The following LOXHD1 variants were observed in gnomAD, a reference collection of about 807,000 sequenced individuals.
The protein encoded by LOXHD1 is lipoxygenase homology PLAT domains 1.
A neutral mutation model predicts 248.2 loss-of-function variants in LOXHD1; 205 were observed. The observed-to-expected ratio is 0.83, with a 90% CI of 0.74 to 0.93. LOXHD1 has a LOEUF of 0.93. Ranked by LOEUF, LOXHD1 falls within the 40% of genes least tolerant of loss-of-function variation. LOXHD1 has a pLI of 0.00. For missense variants in LOXHD1, 2,930 were observed against 2,971.6 expected (o/e 0.99, Z 0.33); for synonymous variants, 1,113 against 1,162.8 (o/e 0.96, Z 0.87).
At chr18:46,508,589 G>C (rs770895737) in intron 35 of LOXHD1, among the ~76,000 whole-genome samples, 2 of 152,222 alleles carry the variant, frequency 1.3e-5, no homozygotes, top group African/African-American at 4.8e-5. Flanking sequence ...AATGTGTGTT[G>C]TTCTAAGCCT....
chr18:46,557,415 G>A lies in LOXHD1; in HGVS notation c.3291C>T (p.Gly1097=). The change falls in exon 21 of 41, where the codon GGC becomes GGT. Residue 1097 remains glycine (G), a synonymous_variant. Transcript: ENST00000642948. The part of the protein sequence containing the change: ...TKIRIRHDNT[G]NRAGWFLDRI... The stretch of plus-strand genomic sequence containing the variant: ...TGTCCAGGAACCAGCCTGCTCTGTT[G>A]CCTGTGTTGTCGTGGCGAATCCGAA... 1.9e-6 allele frequency: 3 copies of A among 1,552,300 alleles called. No individual in the cohort carries two copies. Among genetic ancestry groups the A allele is most frequent in the South Asian group, 1.2e-5 (1 of 84,056 alleles).
intron 28 of LOXHD1, among the ~76,000 whole-genome samples, chr18:46,531,357 G>A (rs1271179247): frequency 1.3e-5 from 2 of 152,068 alleles, no homozygotes; most frequent in African/African-American, 4.8e-5. Flanking sequence ...ACTGACCTGC[G>A]GTGACATTAG....
intron 35 of LOXHD1, 124 bp from the exon 36 acceptor site, chr18:46,507,836 G>A: frequency 9.8e-7 from 1 of 1,016,468 alleles, no homozygotes; most frequent in Non-Finnish European, 1.4e-6. Context: ...ACAAGCGCTT[G>A]CGACTGAGAC....
rs1395393530 is a variant in LOXHD1, at chr18:46,542,020, C to A, written c.3749-80G>T. The A allele has an allele frequency of 1.1e-5, 15 of 1,356,126 alleles. No homozygotes were observed. In the African/African-American group the frequency reaches 1.8e-4, roughly 16 times the overall value. 84.0% of individuals were successfully genotyped at this position (1,356,126 alleles called of 1,614,324 possible). A position where few individuals can be genotyped will look rare whatever the true frequency, so the allele number is the denominator to read the frequency against. ...TGTGGGTAACTTCAGGGACTCCTGA[C>A]TTCCTTCCTTAGGTGGCTGGCTGAT... On this transcript the variant is annotated intron_variant, in intron 24 of 40. Coordinates refer to ENST00000642948, the MANE Select transcript of LOXHD1 (RefSeq NM_001384474.1).
At chr18:46,495,516 A>G (rs2033800756) in intron 37 of LOXHD1, among the ~76,000 whole-genome samples, 1 of 152,240 alleles carries the variant, frequency 6.6e-6, no homozygotes, top group Admixed American at 6.5e-5. Flanking sequence ...TTTACAGTGG[A>G]GTAATCAGGC....
chr18:46,561,300 T>A (rs1276985414), intron 18 of LOXHD1, among the ~76,000 whole-genome samples: 1 of 152,124 alleles, frequency 6.6e-6, no homozygotes, highest in Non-Finnish European at 1.5e-5. Context: ...GAGACCATCA[T>A]TTTCAGTCTC....
At chr18:46,627,938 T>C (rs370533540) in intron 4 of LOXHD1, among the ~76,000 whole-genome samples, 3 of 152,324 alleles carry the variant, frequency 2.0e-5, no homozygotes, top group South Asian at 2.1e-4. Flanking sequence ...GTCTAGACTC[T>C]AAGCTCCTAG....
At chr18:46,583,854 A>G (rs918513573) in intron 12 of LOXHD1, among the ~76,000 whole-genome samples, 12 of 152,150 alleles carry the variant, frequency 7.9e-5, no homozygotes, top group Admixed American at 2.0e-4. Flanking sequence ...TCCAAAAAAA[A>G]AAAATGAAAA....
rs2035661749 is a variant in LOXHD1 at position 46,523,150 on chromosome 18, T to C, written c.4877-841A>G. Among the ~76,000 whole-genome samples the C allele has an allele frequency of 2.0e-5, 3 of 152,172 alleles. No individual in the cohort carries two copies. In the South Asian group the frequency reaches 6.2e-4, roughly 32 times the overall value. ...TTAGTACAGATGGGGTTTCTCCATG[T>C]TGGTCAGGCTGGTCTCAAACTCTTG... On this transcript the variant is annotated intron_variant, in intron 31 of 40. Coordinates refer to ENST00000642948, the MANE Select transcript of LOXHD1 (RefSeq NM_001384474.1).
At chr18:46,537,450 C>T (rs533812240) in intron 26 of LOXHD1, among the ~76,000 whole-genome samples, 2 of 152,290 alleles carry the variant, frequency 1.3e-5, no homozygotes, top group South Asian at 4.1e-4. Context: ...CTCTCATTAC[C>T]TTTGTTGGGA....
Position 46,656,882 on chromosome 18 carries a change from C to G in LOXHD1, c.130+22G>C, listed in dbSNP as rs2039189583. Reference sequence around the variant, plus strand: ...CCGCAGCCAGCTGCACCACCCGCCCCCCGCAGGCTGGGACCCCGCACCTCT... The same window carrying G: ...CCGCAGCCAGCTGCACCACCCGCCCGCCGCAGGCTGGGACCCCGCACCTCT... On this transcript the variant is annotated intron_variant, in intron 1 of 40. Coordinates refer to ENST00000642948, the MANE Select transcript of LOXHD1 (RefSeq NM_001384474.1). 4 of 1,549,776 alleles carry G rather than the reference C, an allele frequency of 2.6e-6. No individual in the cohort carries two copies. The South Asian group carries it at 3.6e-5, about 14-fold the overall frequency.
intron 18 of LOXHD1, among the ~76,000 whole-genome samples, chr18:46,561,182 A>C (rs2144022363): frequency 6.6e-6 from 1 of 152,200 alleles, no homozygotes; most frequent in East Asian, 1.9e-4. Context: ...CTTCCCCAAG[A>C]GCAGAGAGGG....
chr18:46,610,007 T>C (rs2038480757), intron 6 of LOXHD1, among the ~76,000 whole-genome samples: 1 of 152,220 alleles, frequency 6.6e-6, no homozygotes, highest in Non-Finnish European at 1.5e-5. Flanking sequence ...CTATAACACT[T>C]GAGATCCAGA....
intron 21 of LOXHD1, among the ~76,000 whole-genome samples, chr18:46,553,716 C>T (rs1598987929): frequency 6.6e-6 from 1 of 152,120 alleles, no homozygotes; most frequent in East Asian, 1.9e-4. Context: ...CACCTAAATA[C>T]ACAAGCTTTT....
At chr18:46,529,075 C>T (rs1055637967) in intron 29 of LOXHD1, 102 bp downstream of exon 29, 8 of 1,395,684 alleles carry the variant, frequency 5.7e-6, no homozygotes, top group African/African-American at 4.3e-5. Context: ...CACAATGCCC[C>T]ATGGAGTTCC....
chr18:46,528,456 A>T (rs889317670), intron 29 of LOXHD1, among the ~76,000 whole-genome samples: 1 of 152,156 alleles, frequency 6.6e-6, no homozygotes, highest in Non-Finnish European at 1.5e-5. Flanking sequence ...TTGTAAAATC[A>T]GTCTGTCAGA....
At chr18:46,582,512 A>G (rs961452234) in intron 12 of LOXHD1, among the ~76,000 whole-genome samples, 2 of 152,254 alleles carry the variant, frequency 1.3e-5, no homozygotes, top group African/African-American at 4.8e-5. Context: ...AATGTATAAG[A>G]CATATAAGTA....
chr18:46,654,180 G>C (rs564638074), intron 1 of LOXHD1, among the ~76,000 whole-genome samples: 2 of 152,274 alleles, frequency 1.3e-5, no homozygotes, highest in East Asian at 1.9e-4. Flanking sequence ...CTGGCACCTT[G>C]ATCTTGGACT....
intron 33 of LOXHD1, chr18:46,520,336 T>C (rs769077041): frequency 4.9e-5 from 23 of 470,910 alleles, no homozygotes; most frequent in Middle Eastern, 6.5e-4. Flanking sequence ...AAGAAGCCCA[T>C]TGGTTTTGAT....
Sources: allele counts gnomAD v4.1 joint callset (sites outside exome capture counted in the v4.1 genomes callset), GRCh38; gene constraint gnomAD v4.1.1; transcripts MANE v1.5; gene names NCBI Gene and HGNC (gene_info 2026-07-23, HGNC 2026-07-21).